Variants in CTNND2 observed in about 807,000 individuals in gnomAD.
The protein encoded by CTNND2 is catenin delta 2, also known as catenin delta-2.
CTNND2 carries 22 observed loss-of-function variants against 144.4 expected under a neutral mutation model. The observed-to-expected ratio is 0.15, with a 90% CI of 0.11 to 0.22. CTNND2 has a LOEUF of 0.22. Ranked by LOEUF, CTNND2 falls within the 10% of genes least tolerant of loss-of-function variation. The pLI is 1.00. For synonymous variants in CTNND2, 751 were observed against 695.6 expected (o/e 1.08, Z -1.25); for missense variants, 1,353 against 1,618.8 (o/e 0.84, Z 2.82).
chr5:11,478,813 T>A (rs923024135), intron 3 of CTNND2, among the ~76,000 whole-genome samples: 1 of 152,294 alleles, frequency 6.6e-6, no homozygotes. Flanking sequence ...TAAACTTAAA[T>A]CTGAATATAA....
intron 9 of CTNND2, among the ~76,000 whole-genome samples, chr5:11,261,264 G>A (rs1302951776): frequency 1.3e-5 from 2 of 152,154 alleles, no homozygotes; most frequent in East Asian, 3.9e-4. Flanking sequence ...GCCTCTCATC[G>A]GTCTAGGCCA....
At chr5:11,037,368 G>T (rs186647907) in intron 16 of CTNND2, among the ~76,000 whole-genome samples, 20 of 152,298 alleles carry the variant, frequency 1.3e-4, no homozygotes, top group East Asian at 5.8e-4. Flanking sequence ...GCTGCTGGAA[G>T]AAACATCACA....
chr5:11,082,554 G>T, intron 16 of CTNND2, 142 bp downstream of exon 16: 1 of 906,656 alleles, frequency 1.1e-6, no homozygotes, highest in Non-Finnish European at 1.7e-6. Context: ...TAAATCAGAA[G>T]GACAGCAGAA....
chr5:11,459,973 C>A (rs1331203524), intron 3 of CTNND2, among the ~76,000 whole-genome samples: 1 of 152,156 alleles, frequency 6.6e-6, no homozygotes, highest in Non-Finnish European at 1.5e-5. Flanking sequence ...TCTTATATTG[C>A]AAAATTCATA....
intron 15 of CTNND2, among the ~76,000 whole-genome samples, chr5:11,089,202 C>T (rs1168054837): frequency 6.6e-6 from 1 of 152,212 alleles, no homozygotes; most frequent in Non-Finnish European, 1.5e-5. Context: ...AATAACTTAT[C>T]TCGCTTGGGT....
chr5:11,187,751 A>T (rs2149810067), intron 11 of CTNND2, among the ~76,000 whole-genome samples: 2 of 152,306 alleles, frequency 1.3e-5, no homozygotes, highest in South Asian at 4.1e-4. Flanking sequence ...ACTTAAACAC[A>T]TTTATAAGAA....
intron 12 of CTNND2, among the ~76,000 whole-genome samples, chr5:11,139,632 C>G (rs1037815685): frequency 6.6e-5 from 10 of 152,236 alleles, no homozygotes; most frequent in Non-Finnish European, 1.5e-4. Flanking sequence ...GCTCTGCTCC[C>G]TGAGTGCTGA....
At chr5:11,386,861 G>C (rs539137597) in intron 6 of CTNND2, among the ~76,000 whole-genome samples, 1 of 152,086 alleles carries the variant, frequency 6.6e-6, no homozygotes, top group Admixed American at 6.5e-5. Flanking sequence ...GTGGAGGATG[G>C]GTAACGAACA....
Position 11,715,571 on chromosome 5 carries a change from A to C in CTNND2, c.174+16565T>G, listed in dbSNP as rs112954540. 6.6e-4 allele frequency among the ~76,000 whole-genome samples: 101 copies of C among 152,336 alleles called. 1 individual carries two copies. Among genetic ancestry groups the C allele is most frequent in the African/African-American group, 2.1e-3 (88 of 41,574 alleles). On this transcript the variant is annotated intron_variant, in intron 2 of 21. Coordinates refer to ENST00000304623, the MANE Select transcript of CTNND2 (RefSeq NM_001332.4). ...AATAACAGATACATGTGACAAGTAG[A>C]TTTACCCTTCCTACTCTTTTCTGGG...
chr5:11,258,295 C>A (rs1744490266), intron 9 of CTNND2, among the ~76,000 whole-genome samples: 1 of 152,200 alleles, frequency 6.6e-6, no homozygotes, highest in Admixed American at 6.5e-5. Flanking sequence ...AGGCCCAAAG[C>A]ATTTGGAGGG....
chr5:11,588,962 G>A (rs17221040), intron 2 of CTNND2: 56,953 of 985,242 alleles, frequency 0.058, 1,757 homozygotes, highest in Middle Eastern at 0.066. Flanking sequence ...GAACAGCCTC[G>A]AAAAAGTCAG....
chr5:11,141,916 A>G (rs866882098), intron 12 of CTNND2, among the ~76,000 whole-genome samples: 1 of 152,212 alleles, frequency 6.6e-6, no homozygotes, highest in South Asian at 2.1e-4. Context: ...AGGGCTCTCA[A>G]TGGATTAACA....
At chr5:11,890,872 G>A (rs866372192) in intron 1 of CTNND2, among the ~76,000 whole-genome samples, 2 of 152,326 alleles carry the variant, frequency 1.3e-5, no homozygotes, top group South Asian at 2.1e-4. Context: ...GGGACAGAGA[G>A]GGGAGATAAG....
In CTNND2 at chr5:11,515,096, C is replaced by T. The variant is rs542219501; in HGVS notation, c.287+49848G>A. Among the ~76,000 whole-genome samples the T allele has an allele frequency of 2.2e-3, 321 of 145,128 alleles. 2 individuals are homozygous for T. The highest frequency in any genetic ancestry group is 8.1e-3 in the African/African-American group (306 of 37,602). ...AGGGCAAACAAACGAAAACATGCAT[C>T]CCATTAATGCACACCAAAAAAAAAA... is the stretch of plus-strand genomic sequence containing the variant. On this transcript the variant is annotated intron_variant, in intron 3 of 21. Transcript: ENST00000304623.
At chr5:11,592,217 A>C (rs531915153) in intron 2 of CTNND2, among the ~76,000 whole-genome samples, 1 of 123,124 alleles carries the variant, frequency 8.1e-6, no homozygotes, top group Non-Finnish European at 1.7e-5. Flanking sequence ...CCTTTCTTCC[A>C]GTCTGCCTTC....
intron 3 of CTNND2, among the ~76,000 whole-genome samples, chr5:11,559,753 G>C (rs907251449): frequency 6.6e-6 from 1 of 152,120 alleles, no homozygotes; most frequent in Admixed American, 6.5e-5. Context: ...TCCTTCAGTG[G>C]GGGCTGTGGC....
intron 3 of CTNND2, among the ~76,000 whole-genome samples, chr5:11,549,283 T>C (rs35955382): frequency 0.23 from 34,709 of 152,134 alleles, 4,310 homozygotes; most frequent in African/African-American, 0.32. Flanking sequence ...TGTAACATTA[T>C]ATACGGTGTC....
chr5:11,589,981 G>C (rs1278703750), intron 2 of CTNND2, among the ~76,000 whole-genome samples: 1 of 152,118 alleles, frequency 6.6e-6, no homozygotes, highest in African/African-American at 2.4e-5. Context: ...TTTGAAAAGG[G>C]CTGTATTTAG....
rs61758935 is a variant in CTNND2 at position 11,464,595 on chromosome 5, G to T, written c.288-52526C>A. Among the ~76,000 whole-genome samples, 845 of 152,242 alleles carry T rather than the reference G, an allele frequency of 5.6e-3. 14 individuals carry two copies. Among genetic ancestry groups the T allele is most frequent in the African/African-American group, 0.019 (801 of 41,544 alleles). On this transcript the variant is annotated intron_variant, in intron 3 of 21. Transcript: ENST00000304623. The stretch of plus-strand genomic sequence containing the variant: ...AGTAGGGAGTGAAGTGATCAGACTT[G>T]TGTTTTTAATTATTATGCTGATACT...
Sources: gnomAD v4.1 joint callset for allele counts (sites outside exome capture counted in the v4.1 genomes callset) on GRCh38, gnomAD v4.1.1 for gene constraint, MANE v1.5 for transcripts, NCBI Gene and HGNC (gene_info 2026-07-23, HGNC 2026-07-21) for gene names.